APBB2: variants seen among roughly 807,000 people sequenced by gnomAD.
The protein encoded by APBB2 is Fe65-like 1.
Under a neutral mutation model 82.5 loss-of-function variants are expected in APBB2, and 38 were observed. The observed-to-expected ratio is 0.46, with a 90% CI of 0.36 to 0.60. The LOEUF (loss-of-function observed/expected upper bound fraction) is 0.60, where lower values mean the gene tolerates loss of function less well. APBB2 is among the 20% of genes least tolerant of loss of function. APBB2 has a pLI of 0.00. For missense variants in APBB2, 772 were observed against 972.3 expected (o/e 0.79, Z 2.74); for synonymous variants, 341 against 368.2 (o/e 0.93, Z 0.85).
intron 1 of APBB2, among the ~76,000 whole-genome samples, chr4:41,144,221 C>T (rs73248263): frequency 0.012 from 1,866 of 152,310 alleles, 14 homozygotes; most frequent in Non-Finnish European, 0.021. Context: ...AAACAGTCCT[C>T]GTCACAAGTG....
At chr4:40,917,349 C>T (rs937795144) in intron 10 of APBB2, among the ~76,000 whole-genome samples, 3 of 152,112 alleles carry the variant, frequency 2.0e-5, no homozygotes, top group African/African-American at 7.2e-5. Context: ...AGGGAAGTGA[C>T]TTGCCCAAGG....
intron 2 of APBB2, among the ~76,000 whole-genome samples, chr4:41,141,203 T>C (rs1040334793): frequency 1.3e-5 from 2 of 150,898 alleles, no homozygotes; most frequent in African/African-American, 4.8e-5. Flanking sequence ...ATGTTTTGGA[T>C]GTAAGAGACA....
intron 1 of APBB2, among the ~76,000 whole-genome samples, chr4:41,181,810 T>G (rs1253729023): frequency 6.6e-6 from 1 of 151,772 alleles, no homozygotes; most frequent in Admixed American, 6.6e-5. Context: ...CCCGGCATGG[T>G]GGCAACATGC....
intron 6 of APBB2, among the ~76,000 whole-genome samples, chr4:41,007,166 C>T (rs1285094423): frequency 3.3e-5 from 5 of 152,102 alleles, no homozygotes; most frequent in East Asian, 1.9e-4. Flanking sequence ...GAGGTAACTG[C>T]GATTAGATAA....
At chr4:41,094,724 C>T (rs1008626986) in intron 3 of APBB2, among the ~76,000 whole-genome samples, 6 of 152,094 alleles carry the variant, frequency 3.9e-5, no homozygotes, top group Admixed American at 6.5e-5. Context: ...GCCACCTCGC[C>T]CAGCTAATTT....
chr4:40,994,340 A>G (rs933841583), intron 6 of APBB2, among the ~76,000 whole-genome samples: 1 of 152,078 alleles, frequency 6.6e-6, no homozygotes, highest in African/African-American at 2.4e-5. Context: ...CTACAGGCCA[A>G]ACTTACTAGC....
chr4:40,930,905 G>A (rs1347026474), intron 10 of APBB2, among the ~76,000 whole-genome samples: 1 of 151,990 alleles, frequency 6.6e-6, no homozygotes, highest in African/African-American at 2.4e-5. Context: ...CCACCACCAT[G>A]CCCAGCTAAT....
chr4:41,049,423 A>C (rs537884365), intron 4 of APBB2, among the ~76,000 whole-genome samples: 1,548 of 122,152 alleles, frequency 0.013, 70 homozygotes, highest in African/African-American at 0.061. Flanking sequence ...GAGATGGGGG[A>C]CAGCCCCGCC....
At chr4:40,957,270 T>C (rs1011675394) in intron 6 of APBB2, among the ~76,000 whole-genome samples, 1 of 152,252 alleles carries the variant, frequency 6.6e-6, no homozygotes, top group African/African-American at 2.4e-5. Context: ...CCACAGTGTA[T>C]TTCTTCATTA....
At chr4:40,902,185 C>T (rs903033586) in intron 10 of APBB2, among the ~76,000 whole-genome samples, 1 of 152,094 alleles carries the variant, frequency 6.6e-6, no homozygotes, top group African/African-American at 2.4e-5. Flanking sequence ...TAAGAACTCA[C>T]TAATAATGTT....
intron 3 of APBB2, among the ~76,000 whole-genome samples, chr4:41,070,145 T>A (rs1343560375): frequency 6.6e-6 from 1 of 152,178 alleles, no homozygotes. Flanking sequence ...AGATAAATAG[T>A]CATGAGATAA....
In APBB2 at chr4:40,828,983, GGAGT is replaced by G. The variant is rs111736073; in HGVS notation, c.1644+1476_1644+1479del. Among the ~76,000 whole-genome samples the G allele has an allele frequency of 1.4e-3, 213 of 152,278 alleles. 3 individuals are homozygous for G. The East Asian group carries it at 0.02, about 14-fold the overall frequency. On this transcript the variant is annotated intron_variant, in intron 13 of 17. Coordinates refer to ENST00000508593, the MANE Select transcript of APBB2 (RefSeq NM_004307.2). Reference sequence around the variant, plus strand: ...TCTTGACGGCTCAGGAAGAATTGTGGGAGTGAGGCTGGGTTATGATGTCAGCCTG... The same window carrying G: ...TCTTGACGGCTCAGGAAGAATTGTGGGAGGCTGGGTTATGATGTCAGCCTG...
At chr4:40,996,150 A>G (rs1803582855) in intron 6 of APBB2, among the ~76,000 whole-genome samples, 1 of 152,192 alleles carries the variant, frequency 6.6e-6, no homozygotes, top group South Asian at 2.1e-4. Flanking sequence ...GTAGAGAACT[A>G]GAAATGAGAG....
intron 12 of APBB2, among the ~76,000 whole-genome samples, chr4:40,886,047 T>C: frequency 6.6e-6 from 1 of 152,180 alleles, no homozygotes; most frequent in Admixed American, 6.5e-5. Flanking sequence ...TCCTTTCTTG[T>C]GGGAAATGGC....
intron 6 of APBB2, among the ~76,000 whole-genome samples, chr4:40,971,055 C>A (rs1363464482): frequency 1.3e-5 from 2 of 152,148 alleles, no homozygotes; most frequent in Admixed American, 1.3e-4. Flanking sequence ...TACTTGTAAC[C>A]TTAGAAGTTC....
intron 12 of APBB2, among the ~76,000 whole-genome samples, chr4:40,886,631 A>T (rs181767896): frequency 1.2e-4 from 18 of 152,174 alleles, no homozygotes; most frequent in African/African-American, 4.3e-4. Flanking sequence ...CTGGGTAGGG[A>T]CATCCCTCCA....
chr4:41,135,056 G>T (rs1757178980), intron 2 of APBB2, among the ~76,000 whole-genome samples: 1 of 149,800 alleles, frequency 6.7e-6, no homozygotes, highest in Non-Finnish European at 1.5e-5. Flanking sequence ...ATTTCTAGGA[G>T]AATTCATTCC....
At chr4:41,032,778 CTTT>C (rs11421268) in intron 5 of APBB2, among the ~76,000 whole-genome samples, 34 of 84,310 alleles carry the variant, frequency 4.0e-4, no homozygotes, top group Non-Finnish European at 5.4e-4. Context: ...ATTTTTCTTT[CTTT>C]TTTTTTTTTT....
intron 2 of APBB2, among the ~76,000 whole-genome samples, chr4:41,111,801 A>C (rs918231189): frequency 6.6e-6 from 1 of 152,248 alleles, no homozygotes; most frequent in African/African-American, 2.4e-5. Flanking sequence ...TTCTCATTTT[A>C]ACATGCAAAT....
Sources: allele counts gnomAD v4.1 joint callset (sites outside exome capture counted in the v4.1 genomes callset), GRCh38; gene constraint gnomAD v4.1.1; transcripts MANE v1.5; gene names NCBI Gene and HGNC (gene_info 2026-07-23, HGNC 2026-07-21).